Variants in LYPD6 observed in about 807,000 individuals in gnomAD.
LYPD6 encodes LY6/PLAUR domain containing 6.
Under a neutral mutation model 22.7 loss-of-function variants are expected in LYPD6, and 15 were observed. The observed-to-expected ratio is 0.66, with a 90% CI of 0.44 to 1.02. The LOEUF (loss-of-function observed/expected upper bound fraction) is 1.02, where lower values mean the gene tolerates loss of function less well. Among genes scored for constraint, LYPD6 ranks in the 50% least tolerant of loss-of-function variants. The pLI is 0.00. For synonymous variants in LYPD6, 72 were observed against 77.5 expected (o/e 0.93, Z 0.37); for missense variants, 189 against 208.4 (o/e 0.91, Z 0.57).
chr2:149,447,011 C>T (rs928182156), intron 2 of LYPD6, among the ~76,000 whole-genome samples: 5 of 152,176 alleles, frequency 3.3e-5, no homozygotes, highest in African/African-American at 1.2e-4. Context: ...GCAGGCTCAG[C>T]CATCTGCGAG....
chr2:149,399,440 T>C (rs1225418116), intron 1 of LYPD6, among the ~76,000 whole-genome samples: 3 of 152,086 alleles, frequency 2.0e-5, no homozygotes, highest in Non-Finnish European at 4.4e-5. Flanking sequence ...ATTTTGATAC[T>C]TAAATAGGAT....
At chr2:149,477,472 A>C (rs1190211362), downstream of LYPD6, among the ~76,000 whole-genome samples, 1 of 151,892 alleles carries the variant, frequency 6.6e-6, no homozygotes, top group East Asian at 1.9e-4. Flanking sequence ...AAAAAACAAA[A>C]ATTAGCCAGA....
At chr2:149,339,599 A>G (rs1490881506) in intron 1 of LYPD6, among the ~76,000 whole-genome samples, 1 of 152,182 alleles carries the variant, frequency 6.6e-6, no homozygotes, top group Non-Finnish European at 1.5e-5. Flanking sequence ...TCAAATTCTC[A>G]TGCACAGTTA....
At chr2:149,336,589 A>G (rs1049112166) in intron 1 of LYPD6, among the ~76,000 whole-genome samples, 8 of 152,240 alleles carry the variant, frequency 5.3e-5, no homozygotes, top group Admixed American at 1.3e-4. Context: ...GAATAAGTTT[A>G]TATAAATAAA....
At chr2:149,448,573 C>G (rs1032131813) in intron 2 of LYPD6, among the ~76,000 whole-genome samples, 1 of 152,122 alleles carries the variant, frequency 6.6e-6, no homozygotes, top group Non-Finnish European at 1.5e-5. Context: ...CATCCCTAAC[C>G]CCTGACAACC....
chr2:149,386,191 A>T (rs1682180550), intron 1 of LYPD6, among the ~76,000 whole-genome samples: 1 of 152,222 alleles, frequency 6.6e-6, no homozygotes, highest in Non-Finnish European at 1.5e-5. Flanking sequence ...TAAGGAAAGG[A>T]GAATCTTTAG....
At chr2:149,358,021 G>A (rs908253327) in intron 1 of LYPD6, among the ~76,000 whole-genome samples, 3 of 152,014 alleles carry the variant, frequency 2.0e-5, no homozygotes, top group Non-Finnish European at 2.9e-5. Context: ...CCTGACCTCA[G>A]GTGATCCGCC....
At chr2:149,360,400 T>C (rs1413869173) in intron 1 of LYPD6, among the ~76,000 whole-genome samples, 1 of 152,218 alleles carries the variant, frequency 6.6e-6, no homozygotes, top group Non-Finnish European at 1.5e-5. Context: ...CTATTCAAGA[T>C]GGAGTTGCTG....
At chr2:149,416,512 C>T (rs1682966434) in intron 1 of LYPD6, among the ~76,000 whole-genome samples, 1 of 152,154 alleles carries the variant, frequency 6.6e-6, no homozygotes, top group Non-Finnish European at 1.5e-5. Flanking sequence ...GCCATTTGGT[C>T]CCTGGACACA....
At chr2:149,352,500 A>C (rs1166937314) in intron 1 of LYPD6, among the ~76,000 whole-genome samples, 1 of 152,178 alleles carries the variant, frequency 6.6e-6, no homozygotes, top group Non-Finnish European at 1.5e-5. Context: ...GGCTGCTGTG[A>C]GGAGGTTATC....
chr2:149,378,362 C>T (rs992169649), intron 1 of LYPD6, among the ~76,000 whole-genome samples: 12 of 152,178 alleles, frequency 7.9e-5, no homozygotes, highest in African/African-American at 2.9e-4. Flanking sequence ...AAGCTGTCCA[C>T]CTGCCCTGGC....
At chr2:149,392,993 T>C (rs1395695495) in intron 1 of LYPD6, among the ~76,000 whole-genome samples, 2 of 152,288 alleles carry the variant, frequency 1.3e-5, no homozygotes, top group Non-Finnish European at 2.9e-5. Flanking sequence ...GCCACTGTGC[T>C]CCAGCCTGGG....
Position 149,377,561 on chromosome 2 carries a change from C to T in LYPD6, c.-72+46839C>T, listed in dbSNP as rs376946314. ...TTGGGAGGCCAAGGTGGGTGAATCA[C>T]CTGAGGTCAGGAGTTTGAGACCAGC... On this transcript the variant is annotated intron_variant, in intron 1 of 4. Transcript: ENST00000334166. 1.8e-4 allele frequency among the ~76,000 whole-genome samples: 27 copies of T among 152,294 alleles called. 1 individual carries two copies. The highest frequency in any genetic ancestry group is 6.0e-4 in the African/African-American group (25 of 41,570).
intron 1 of LYPD6, among the ~76,000 whole-genome samples, chr2:149,378,713 G>GA (rs1344076318): frequency 9.2e-5 from 14 of 152,082 alleles, no homozygotes; most frequent in African/African-American, 3.4e-4. Flanking sequence ...CCCCTCCTAT[G>GA]ACATAGCCCT....
At chr2:149,390,459 A>G (rs575138529) in intron 1 of LYPD6, among the ~76,000 whole-genome samples, 1 of 152,196 alleles carries the variant, frequency 6.6e-6, no homozygotes, top group East Asian at 1.9e-4. Context: ...CTCATGCAGT[A>G]CTTCCTGTGG....
intron 2 of LYPD6, 81 bp downstream of exon 2, chr2:149,437,907 C>G (rs1683471729): frequency 6.7e-7 from 1 of 1,498,052 alleles, no homozygotes; most frequent in Non-Finnish European, 9.2e-7. Context: ...GAAAAGGCAT[C>G]CTTCAGTATA....
chr2:149,459,514 C>T (rs1004860460), intron 3 of LYPD6, among the ~76,000 whole-genome samples: 1 of 152,244 alleles, frequency 6.6e-6, no homozygotes, highest in East Asian at 1.9e-4. Context: ...TGTCCTTCTT[C>T]TCTTGAGTTT....
intron 3 of LYPD6, among the ~76,000 whole-genome samples, chr2:149,467,042 T>C (rs987706079): frequency 2.6e-5 from 4 of 152,204 alleles, no homozygotes; most frequent in Admixed American, 6.5e-5. Context: ...TGTCAAAACC[T>C]GTTAAGGCTT....
chr2:149,483,992 C>G, the LYPD6 span, among the ~76,000 whole-genome samples: 1 of 152,260 alleles, frequency 6.6e-6, no homozygotes, highest in East Asian at 1.9e-4. Flanking sequence ...AGCGAAGTGA[C>G]CTCAGTTAAA....
Sources: allele counts gnomAD v4.1 joint callset (sites outside exome capture counted in the v4.1 genomes callset), GRCh38; gene constraint gnomAD v4.1.1; transcripts MANE v1.5; gene names NCBI Gene and HGNC (gene_info 2026-07-23, HGNC 2026-07-21).